Variants in ADGRB3 observed in about 807,000 individuals in gnomAD.
The protein encoded by ADGRB3 is adhesion G protein-coupled receptor B3, also known as brain-specific angiogenesis inhibitor 3.
In ADGRB3, 37 loss-of-function variants were observed where a neutral mutation model predicts 193.4. The observed-to-expected ratio is 0.19, with a 90% CI of 0.15 to 0.25. The LOEUF (loss-of-function observed/expected upper bound fraction) is 0.25. Among genes scored for constraint, ADGRB3 ranks in the 10% least tolerant of loss-of-function variants. The probability of loss-of-function intolerance (pLI) is 1.00; values close to 1 mark genes in which losing one functional copy is unlikely to be tolerated. For missense variants in ADGRB3, 1,637 were observed against 1,852.9 expected (o/e 0.88, Z 2.14); for synonymous variants, 690 against 644.2 (o/e 1.07, Z -1.08).
At chr6:69,214,746 G>A (rs1378194977) in intron 17 of ADGRB3, among the ~76,000 whole-genome samples, 1 of 151,502 alleles carries the variant, frequency 6.6e-6, no homozygotes, top group South Asian at 2.1e-4. Flanking sequence ...TGGTGCAAAC[G>A]TAATTGTGGT....
intron 3 of ADGRB3, among the ~76,000 whole-genome samples, chr6:68,864,862 C>T (rs779831612): frequency 1.1e-4 from 17 of 148,264 alleles, no homozygotes; most frequent in Non-Finnish European, 2.2e-4. Context: ...ATTTGTAAGA[C>T]ATTATAAATG....
chr6:69,376,080 G>GC (rs1377061329), intron 30 of ADGRB3, among the ~76,000 whole-genome samples: 1 of 114,476 alleles, frequency 8.7e-6, no homozygotes, highest in Non-Finnish European at 1.8e-5. Flanking sequence ...AAATTATGTA[G>GC]CCTTTTTTTT....
intron 3 of ADGRB3, among the ~76,000 whole-genome samples, chr6:68,709,801 C>A (rs1765380737): frequency 6.6e-6 from 1 of 152,028 alleles, no homozygotes; most frequent in Non-Finnish European, 1.5e-5. Flanking sequence ...ATAGAAATAA[C>A]CTAAATATCA....
At chr6:68,934,750 A>G (rs1247644933) in intron 4 of ADGRB3, among the ~76,000 whole-genome samples, 2 of 152,096 alleles carry the variant, frequency 1.3e-5, no homozygotes, top group East Asian at 1.9e-4. Context: ...TTATCCTTCT[A>G]TTTGGTTTAT....
At chr6:68,650,505 G>T (rs1046728051) in intron 3 of ADGRB3, among the ~76,000 whole-genome samples, 2 of 151,666 alleles carry the variant, frequency 1.3e-5, no homozygotes, top group Non-Finnish European at 2.9e-5. Context: ...TTACTTCAAG[G>T]CTCCCATATA....
At chr6:69,132,863 C>A (rs770748280) in intron 17 of ADGRB3, among the ~76,000 whole-genome samples, 14 of 152,138 alleles carry the variant, frequency 9.2e-5, no homozygotes, top group Non-Finnish European at 1.8e-4. Context: ...GTTTTCTAGA[C>A]ACCATTTATT....
intron 3 of ADGRB3, among the ~76,000 whole-genome samples, chr6:68,708,902 C>CT (rs574594863): frequency 2.6e-5 from 4 of 151,112 alleles, no homozygotes; most frequent in African/African-American, 7.3e-5. Flanking sequence ...CCTAATGTCA[C>CT]TTTTTTTTTA....
intron 17 of ADGRB3, among the ~76,000 whole-genome samples, chr6:69,109,475 A>T (rs2150324991): frequency 6.6e-6 from 1 of 152,352 alleles, no homozygotes; most frequent in South Asian, 2.1e-4. Flanking sequence ...TAGCAATGAT[A>T]AGAAGTAATA....
At chr6:69,228,719 C>T (rs1296351870) in intron 17 of ADGRB3, among the ~76,000 whole-genome samples, 1 of 152,094 alleles carries the variant, frequency 6.6e-6, no homozygotes, top group Non-Finnish European at 1.5e-5. Context: ...TATGTGTTTA[C>T]AATATTAGAT....
intron 3 of ADGRB3, among the ~76,000 whole-genome samples, chr6:68,915,810 T>C (rs1330133022): frequency 6.6e-6 from 1 of 151,918 alleles, no homozygotes; most frequent in South Asian, 2.1e-4. Context: ...CACTGGCACA[T>C]ACCGCACAGG....
At chr6:69,154,422 G>A (rs1221097629) in intron 17 of ADGRB3, among the ~76,000 whole-genome samples, 1 of 152,118 alleles carries the variant, frequency 6.6e-6, no homozygotes, top group Non-Finnish European at 1.5e-5. Flanking sequence ...GCCTCATCTT[G>A]CATCATTTTC....
At position 68,974,827 on chromosome 6, in the gene ADGRB3, C is replaced by A. The variant is rs751451715; in HGVS notation, c.1590C>A (p.Gly530=). The change falls in exon 9 of 32, where the codon GGC becomes GGA. Residue 530 remains glycine, a synonymous_variant. Transcript: ENST00000370598. The part of the protein sequence containing the change: ...MSMVWKRTPA[G]DLAFNQCPLN... Reference sequence around the variant, plus strand: ...TGGTGTGGAAAAGAACTCCAGCAGGCGACTTGGCATTCAATCAATGTCCCC... The same window carrying A: ...TGGTGTGGAAAAGAACTCCAGCAGGAGACTTGGCATTCAATCAATGTCCCC... The A allele has an allele frequency of 1.7e-5, 27 of 1,613,772 alleles. No individual in the cohort carries two copies. Among genetic ancestry groups the A allele is most frequent in the Admixed American group, 5.0e-5 (3 of 59,970 alleles).
At position 69,280,060 on chromosome 6, in the gene ADGRB3, C is replaced by G. The variant is rs181529913; in HGVS notation, c.2814+40834C>G. On this transcript the variant is annotated intron_variant, in intron 20 of 31. Coordinates refer to ENST00000370598, the MANE Select transcript of ADGRB3 (RefSeq NM_001704.3). ...AGTCATCGGCAGGAGCTACATTCCTCAAAAGAGAGCTGACAGCCAGAGCAA... is the reference window on the plus strand; with the variant it reads ...AGTCATCGGCAGGAGCTACATTCCTGAAAAGAGAGCTGACAGCCAGAGCAA... Among the ~76,000 whole-genome samples the G allele has an allele frequency of 4.9e-3, 751 of 152,224 alleles. 9 individuals carry two copies. Among genetic ancestry groups the G allele is most frequent in the African/African-American group, 0.017 (716 of 41,528 alleles).
chr6:69,223,680 A>T (rs1369819404), intron 17 of ADGRB3, among the ~76,000 whole-genome samples: 3 of 118,054 alleles, frequency 2.5e-5, no homozygotes, highest in Non-Finnish European at 4.9e-5. Context: ...TTTTTGGCAG[A>T]GTCTCACTTT....
chr6:69,193,313 T>G (rs967889579), intron 17 of ADGRB3, among the ~76,000 whole-genome samples: 1 of 152,174 alleles, frequency 6.6e-6, no homozygotes, highest in Non-Finnish European at 1.5e-5. Context: ...TGGCAGGTAC[T>G]TGTCAGCAAG....
intron 3 of ADGRB3, among the ~76,000 whole-genome samples, chr6:68,740,740 A>C (rs1310309458): frequency 6.6e-6 from 1 of 152,166 alleles, no homozygotes; most frequent in Non-Finnish European, 1.5e-5. Context: ...TTATTTATCC[A>C]TTATGTTGTG....
chr6:68,815,640 T>TGTGTGGGTGGGG (rs1491013505), intron 3 of ADGRB3, among the ~76,000 whole-genome samples: 2 of 146,100 alleles, frequency 1.4e-5, no homozygotes, highest in Non-Finnish European at 3.0e-5. Context: ...TGTGTGTGTG[T>TGTGTGGGTGGGG]GCATGTAGAT....
At chr6:69,123,871 C>A (rs1773784103) in intron 17 of ADGRB3, among the ~76,000 whole-genome samples, 1 of 152,254 alleles carries the variant, frequency 6.6e-6, no homozygotes, top group East Asian at 1.9e-4. Flanking sequence ...ACATACAGAG[C>A]ATTATGGACC....
chr6:68,664,458 A>G (rs1768747764), intron 3 of ADGRB3, among the ~76,000 whole-genome samples: 2 of 151,766 alleles, frequency 1.3e-5, no homozygotes, highest in Non-Finnish European at 2.9e-5. Flanking sequence ...AAGAGCTCGC[A>G]AGTTCTCTTT....
Sources: gnomAD v4.1 joint callset for allele counts (sites outside exome capture counted in the v4.1 genomes callset) on GRCh38, gnomAD v4.1.1 for gene constraint, MANE v1.5 for transcripts, NCBI Gene and HGNC (gene_info 2026-07-23, HGNC 2026-07-21) for gene names.